Variants in NAALADL2 observed in about 807,000 individuals in gnomAD.
NAALADL2 encodes the protein N-acetylated alpha-linked acidic dipeptidase like 2, also known as inactive N-acetylated-alpha-linked acidic dipeptidase-like protein 2.
A neutral mutation model predicts 87.2 loss-of-function variants in NAALADL2; 76 were observed. The observed-to-expected ratio is 0.87, with a 90% confidence interval of 0.72 to 1.05. NAALADL2 has a LOEUF of 1.05. Ranked by LOEUF, NAALADL2 falls within the 50% of genes least tolerant of loss-of-function variation. NAALADL2 has a pLI of 0.00. For synonymous variants in NAALADL2, 354 were observed against 331.0 expected (o/e 1.07, Z -0.75); for missense variants, 1,089 against 945.8 (o/e 1.15, Z -1.99).
At chr3:175,604,490 G>C (rs62284498) in intron 10 of NAALADL2, among the ~76,000 whole-genome samples, 17,921 of 151,676 alleles carry the variant, frequency 0.12, 1,263 homozygotes, top group Middle Eastern at 0.17. Flanking sequence ...CTTTTTAGTA[G>C]AGACGGGGTT....
In NAALADL2 at chr3:174,588,626, G is replaced by T. The variant is rs1042579621; in HGVS notation, c.-115+37989G>T. Among the ~76,000 whole-genome samples the T allele has an allele frequency of 6.6e-5, 10 of 152,318 alleles. No individual in the cohort carries two copies. The East Asian group carries it at 1.2e-3, about 18-fold the overall frequency. On this transcript the variant is annotated intron_variant, in intron 2 of 3. Transcript: ENST00000434257. ...GACCCTCAGCTGCAGGTCTGTGGGA[G>T]TTTGCTGGAGGTCCACTCCAGACCC...
intron 1 of NAALADL2, among the ~76,000 whole-genome samples, chr3:174,909,369 T>C (rs938764001): frequency 6.6e-5 from 10 of 152,092 alleles, no homozygotes; most frequent in Non-Finnish European, 1.2e-4. Flanking sequence ...CACTCCAGCC[T>C]GGGCAACAAG....
chr3:174,834,565 A>G (rs1723115871), intron 3 of NAALADL2, among the ~76,000 whole-genome samples: 1 of 152,014 alleles, frequency 6.6e-6, no homozygotes, highest in Non-Finnish European at 1.5e-5. Context: ...TAAATATACA[A>G]AAAGCTACTA....
intron 2 of NAALADL2, among the ~76,000 whole-genome samples, chr3:174,720,025 C>T (rs1456402192): frequency 2.6e-5 from 4 of 151,870 alleles, no homozygotes; most frequent in African/African-American, 9.7e-5. Context: ...TGGTCTCGCT[C>T]TCTTGACCTC....
chr3:175,027,606 C>T (rs557302896), intron 1 of NAALADL2, among the ~76,000 whole-genome samples: 8 of 152,078 alleles, frequency 5.3e-5, no homozygotes, highest in Non-Finnish European at 7.4e-5. Flanking sequence ...AGCTCTTCCC[C>T]GAATTCTTTT....
chr3:175,543,409 G>A (rs1361091079), intron 9 of NAALADL2, among the ~76,000 whole-genome samples: 1 of 152,124 alleles, frequency 6.6e-6, no homozygotes, highest in Non-Finnish European at 1.5e-5. Flanking sequence ...GGGTGTTAAA[G>A]ACAATGTACC....
At chr3:175,703,402 T>C (rs1739245206) in intron 11 of NAALADL2, among the ~76,000 whole-genome samples, 1 of 152,184 alleles carries the variant, frequency 6.6e-6, no homozygotes, top group South Asian at 2.1e-4. Context: ...CCCCAATACA[T>C]GTACTATAAT....
chr3:174,929,590 ATTTAT>A (rs556938113), intron 1 of NAALADL2, among the ~76,000 whole-genome samples: 122 of 152,232 alleles, frequency 8.0e-4, no homozygotes, highest in African/African-American at 2.7e-3. Context: ...TATTATGAAA[ATTTAT>A]TTTATTTTTG....
chr3:174,892,329 A>C (rs1439709822), intron 1 of NAALADL2, among the ~76,000 whole-genome samples: 2 of 152,188 alleles, frequency 1.3e-5, no homozygotes, highest in Non-Finnish European at 2.9e-5. Context: ...TCAAGACAAC[A>C]CAGAGAAGAA....
chr3:174,807,958 G>A (rs1357959650), intron 3 of NAALADL2, among the ~76,000 whole-genome samples: 1 of 151,784 alleles, frequency 6.6e-6, no homozygotes, highest in African/African-American at 2.4e-5. Flanking sequence ...AAGTTACTAT[G>A]TGGTATCCCT....
At chr3:175,306,817 A>G (rs988246907) in intron 4 of NAALADL2, among the ~76,000 whole-genome samples, 3 of 152,106 alleles carry the variant, frequency 2.0e-5, no homozygotes, top group African/African-American at 7.2e-5. Context: ...CTGCACTCCA[A>G]CCTGGAAGTC....
At chr3:174,733,825 C>T (rs1219826286) in intron 2 of NAALADL2, among the ~76,000 whole-genome samples, 1 of 152,102 alleles carries the variant, frequency 6.6e-6, no homozygotes, top group Non-Finnish European at 1.5e-5. Context: ...TGTGGCAAAA[C>T]AGGAACTTGG....
chr3:174,627,490 G>A (rs933748775), intron 2 of NAALADL2, among the ~76,000 whole-genome samples: 1 of 152,336 alleles, frequency 6.6e-6, no homozygotes, highest in East Asian at 1.9e-4. Context: ...TTTGGGGAAT[G>A]TAAATTAGTA....
At chr3:174,924,770 G>A (rs1735744004) in intron 1 of NAALADL2, among the ~76,000 whole-genome samples, 1 of 152,106 alleles carries the variant, frequency 6.6e-6, no homozygotes, top group South Asian at 2.1e-4. Flanking sequence ...GGTGTGAGAT[G>A]GTATCTCATT....
At chr3:175,377,094 C>T (rs1272648924) in intron 5 of NAALADL2, among the ~76,000 whole-genome samples, 5 of 152,054 alleles carry the variant, frequency 3.3e-5, no homozygotes, top group African/African-American at 1.2e-4. Flanking sequence ...AGGCAGATTG[C>T]TTGAGGCCAG....
intron 5 of NAALADL2, among the ~76,000 whole-genome samples, chr3:175,443,466 A>G (rs1465984848): frequency 6.6e-6 from 1 of 152,200 alleles, no homozygotes; most frequent in Non-Finnish European, 1.5e-5. Context: ...TAGGGCAAGG[A>G]TAATCAGCGA....
rs1189060883 is a variant in NAALADL2, at chr3:175,614,347, G to A, written c.1801-12944G>A. 4.6e-5 allele frequency among the ~76,000 whole-genome samples: 7 copies of A among 152,258 alleles called. No individual in the cohort carries two copies. In the South Asian group the frequency reaches 1.0e-3, roughly 23 times the overall value. ...ATGATAGGCGTGAGCCACCACCCTC[G>A]GCCTGGCGTGCCAGAATCTCTTAAA... On this transcript the variant is annotated intron_variant, in intron 10 of 13. Coordinates refer to ENST00000454872, the MANE Select transcript of NAALADL2 (RefSeq NM_207015.3).
In NAALADL2 at chr3:174,481,810, C is replaced by T. The variant is rs139924911; in HGVS notation, c.-184+40778C>T. On this transcript the variant is annotated intron_variant, in intron 1 of 3. Transcript: ENST00000434257. ...TAATTTCTCTTATAATGAGTTTTGA[C>T]AATAGAGGTGAAATGTTATCTACCA... Among the ~76,000 whole-genome samples, 4 of 152,130 alleles carry T rather than the reference C, an allele frequency of 2.6e-5. No homozygotes were observed. The East Asian group carries it at 5.8e-4, about 22-fold the overall frequency.
intron 6 of NAALADL2, among the ~76,000 whole-genome samples, chr3:175,455,198 C>A (rs1581957037): frequency 6.6e-6 from 1 of 152,054 alleles, no homozygotes; most frequent in East Asian, 1.9e-4. Context: ...CTTAACCCAA[C>A]CTGCTGGCCT....
Sources: allele counts gnomAD v4.1 joint callset (sites outside exome capture counted in the v4.1 genomes callset), GRCh38; gene constraint gnomAD v4.1.1; transcripts MANE v1.5; gene names NCBI Gene and HGNC (gene_info 2026-07-23, HGNC 2026-07-21).